Variants in TLN2 observed in about 807,000 individuals in gnomAD.
TLN2 encodes the protein talin-2.
TLN2 carries 118 observed loss-of-function variants against 294.7 expected under a neutral mutation model. The observed-to-expected ratio is 0.40, with a 90% CI of 0.34 to 0.47. The LOEUF (loss-of-function observed/expected upper bound fraction) is 0.47. TLN2 is among the 20% of genes least tolerant of loss of function. TLN2 has a pLI of 0.84. For synonymous variants in TLN2, 1,431 were observed against 1,304.5 expected (o/e 1.10, Z -2.09); for missense variants, 3,083 against 3,282.2 (o/e 0.94, Z 1.48).
At chr15:62,728,144 C>T (rs1054382806) in intron 28 of TLN2, among the ~76,000 whole-genome samples, 28 of 152,256 alleles carry the variant, frequency 1.8e-4, no homozygotes, top group African/African-American at 5.5e-4. Context: ...TGTATCCCCA[C>T]TCTCCTTCCC....
At chr15:62,694,072 A>G (rs1280955124) in intron 13 of TLN2, among the ~76,000 whole-genome samples, 1 of 149,276 alleles carries the variant, frequency 6.7e-6, no homozygotes, top group Non-Finnish European at 1.5e-5. Context: ...AGTTCAAGCA[A>G]TTCTCCTGCC....
intron 1 of TLN2, among the ~76,000 whole-genome samples, chr15:62,576,882 G>C (rs1306262091): frequency 6.6e-6 from 1 of 152,094 alleles, no homozygotes; most frequent in Non-Finnish European, 1.5e-5. Flanking sequence ...GAGAGCAGGG[G>C]CTCATGTAGG....
intron 3 of TLN2, among the ~76,000 whole-genome samples, chr15:62,646,413 C>T (rs2051849549): frequency 6.6e-6 from 1 of 152,202 alleles, no homozygotes; most frequent in African/African-American, 2.4e-5. Context: ...CCGCCCCCCT[C>T]AGCCTCCCAA....
At chr15:62,540,329 G>C (rs2041605727) in intron 1 of TLN2, among the ~76,000 whole-genome samples, 1 of 150,944 alleles carries the variant, frequency 6.6e-6, no homozygotes, top group African/African-American at 2.4e-5. Flanking sequence ...GACGGAGTGA[G>C]ACGCCATCTT....
intron 1 of TLN2, among the ~76,000 whole-genome samples, chr15:62,574,110 C>A (rs1035631595): frequency 6.6e-6 from 1 of 151,950 alleles, no homozygotes; most frequent in Non-Finnish European, 1.5e-5. Flanking sequence ...CTCAACTCCT[C>A]GGTATTTTAG....
chr15:62,839,366 G>T (rs1355585307), intron 58 of TLN2, among the ~76,000 whole-genome samples: 1 of 152,210 alleles, frequency 6.6e-6, no homozygotes, highest in African/African-American at 2.4e-5. Context: ...TTTGTGAGTA[G>T]CATTTGCCTA....
intron 1 of TLN2, among the ~76,000 whole-genome samples, chr15:62,392,336 ATAAT>A (rs1384003912): frequency 6.6e-6 from 1 of 152,264 alleles, no homozygotes; most frequent in Non-Finnish European, 1.5e-5. Context: ...TGTCAAAGAC[ATAAT>A]TAAAGACGGT....
intron 37 of TLN2, among the ~76,000 whole-genome samples, chr15:62,761,355 G>A (rs1438698308): frequency 6.6e-6 from 1 of 152,150 alleles, no homozygotes; most frequent in Non-Finnish European, 1.5e-5. Flanking sequence ...AAGTAGTCCC[G>A]CTGCATAGTC....
intron 9 of TLN2, among the ~76,000 whole-genome samples, chr15:62,667,230 T>C (rs1225618965): frequency 6.6e-6 from 1 of 152,142 alleles, no homozygotes; most frequent in Non-Finnish European, 1.5e-5. Context: ...CCTCCCAAAG[T>C]GCTGGGATTA....
At chr15:62,823,412 C>G (rs1327695066) in intron 54 of TLN2, among the ~76,000 whole-genome samples, 3 of 152,206 alleles carry the variant, frequency 2.0e-5, no homozygotes, top group Non-Finnish European at 2.9e-5. Context: ...AATCACTTCT[C>G]TCCATTCTCT....
intron 26 of TLN2, 136 bp from the exon 27 acceptor site, chr15:62,724,840 C>T: frequency 8.8e-7 from 1 of 1,136,668 alleles, no homozygotes. Context: ...AGAAAAAATA[C>T]TTGCTTTCCT....
chr15:62,651,280 T>C (rs1161031647), intron 5 of TLN2, among the ~76,000 whole-genome samples: 1 of 152,212 alleles, frequency 6.6e-6, no homozygotes, highest in Non-Finnish European at 1.5e-5. Flanking sequence ...TTGTAAGGCA[T>C]AAGTATGACT....
intron 45 of TLN2, among the ~76,000 whole-genome samples, chr15:62,788,496 A>G (rs1448944990): frequency 6.6e-6 from 1 of 152,190 alleles, no homozygotes; most frequent in Non-Finnish European, 1.5e-5. Context: ...CGCATGTCAG[A>G]TGCTGTGATG....
chr15:62,760,010 G>A (rs773158070), intron 37 of TLN2, among the ~76,000 whole-genome samples: 6 of 152,224 alleles, frequency 3.9e-5, no homozygotes, highest in Non-Finnish European at 5.9e-5. Context: ...TCACTTCTAC[G>A]TGGCCAGTGC....
intron 32 of TLN2, among the ~76,000 whole-genome samples, chr15:62,746,559 A>C (rs1450903334): frequency 6.6e-5 from 10 of 152,214 alleles, no homozygotes; most frequent in Admixed American, 6.5e-4. Context: ...GTATCTCCTC[A>C]TCAAATAATT....
chr15:62,488,871 T>C (rs2038551963), intron 1 of TLN2, among the ~76,000 whole-genome samples: 1 of 152,150 alleles, frequency 6.6e-6, no homozygotes, highest in South Asian at 2.1e-4. Context: ...TGGTTAAATA[T>C]ATAAATATAG....
intron 10 of TLN2, 133 bp from the exon 11 acceptor site, chr15:62,675,084 G>A: frequency 1.3e-6 from 1 of 754,384 alleles, no homozygotes; most frequent in South Asian, 1.8e-5. Flanking sequence ...GTCATGGAGG[G>A]GTCTCAGACA....
chr15:62,548,560 G>T (rs915018455), intron 1 of TLN2, among the ~76,000 whole-genome samples: 2 of 152,130 alleles, frequency 1.3e-5, no homozygotes, highest in Admixed American at 6.5e-5. Context: ...AGGGTTCCCT[G>T]GTTGTTCACT....
At chr15:62,664,878 A>AAAAAAAAAAAAAAAAAT in intron 9 of TLN2, among the ~76,000 whole-genome samples, 1 of 145,980 alleles carries the variant, frequency 6.9e-6, no homozygotes, top group South Asian at 2.2e-4. Context: ...AAAAAAAAAA[A>AAAAAAAAAAAAAAAAAT]GTGGCTACCT....
Sources: gnomAD v4.1 joint callset for allele counts (sites outside exome capture counted in the v4.1 genomes callset) on GRCh38, gnomAD v4.1.1 for gene constraint, MANE v1.5 for transcripts, NCBI Gene and HGNC (gene_info 2026-07-23, HGNC 2026-07-21) for gene names.